ZNF701: variants seen among roughly 807,000 people sequenced by gnomAD.
ZNF701 encodes zinc finger protein 701.
A neutral mutation model predicts 7.1 loss-of-function variants in ZNF701; 6 were observed. The observed-to-expected ratio is 0.84, with a 90% CI of 0.46 to 1.66. The LOEUF (loss-of-function observed/expected upper bound fraction) is 1.66, where lower values mean the gene tolerates loss of function less well. ZNF701 is among the 40% of genes most tolerant of loss of function. The pLI is 0.01. For missense variants in ZNF701, 541 were observed against 559.2 expected, an observed-to-expected ratio of 0.97 and a Z score of 0.33; for synonymous variants, 166 against 188.2, an observed-to-expected ratio of 0.88 and a Z score of 0.97.
At chr19:52,591,561 T>C (rs2060036924), downstream of ZNF701, among the ~76,000 whole-genome samples, 1 of 152,150 alleles carries the variant, frequency 6.6e-6, no homozygotes, top group Admixed American at 6.5e-5. Context: ...CAATCTCAGC[T>C]CACTGCAACC....
At chr19:52,594,312 G>T in the ZNF701 span, 2 of 49,040 alleles carry the variant, frequency 4.1e-5, 1 homozygote, top group African/African-American at 1.7e-4. Context: ...ACCCTGGAAA[G>T]AGAGGGAGAG....
intron 3 of ZNF701, among the ~76,000 whole-genome samples, chr19:52,580,077 G>A (rs2059965413): frequency 7.1e-6 from 1 of 140,706 alleles, no homozygotes; most frequent in Admixed American, 6.8e-5. Flanking sequence ...GAGCAGCTGG[G>A]GCTACAGGCG....
the ZNF701 span, among the ~76,000 whole-genome samples, chr19:52,593,759 G>A: frequency 2.6e-5 from 3 of 113,476 alleles, no homozygotes; most frequent in Non-Finnish European, 3.8e-5. Context: ...CATCCCAGAC[G>A]GGGTGGCAGG....
chr19:52,599,404 G>C, the ZNF701 span, among the ~76,000 whole-genome samples: 1 of 152,126 alleles, frequency 6.6e-6, no homozygotes, highest in East Asian at 1.9e-4. Context: ...GAGGAATGTG[G>C]TCAGGCAACC....
Position 52,582,787 on chromosome 19 carries a change from A to G in ZNF701, c.728A>G (p.Tyr243Cys). ...HQIIHLGDKQYKCDVCGKDFH... is the reference protein window; with the variant it reads ...HQIIHLGDKQCKCDVCGKDFH... ...ATAATCCATTTAGGAGACAAACAGT[A>G]TAAATGTGATGTATGCGGCAAGGAC... is the stretch of plus-strand genomic sequence containing the variant. Residue 243 changes from tyrosine to cysteine, a missense_variant, in exon 4 of 4, where the codon TAT (tyrosine) becomes TGT (cysteine). By Grantham distance (194) the Tyr-to-Cys change is radical (BLOSUM62 -2). Transcript: ENST00000391785. 2 of 1,614,200 alleles carry G rather than the reference A, an allele frequency of 1.2e-6. No individual in the cohort carries two copies. Among genetic ancestry groups the G allele is most frequent in the Non-Finnish European group, 1.7e-6 (2 of 1,180,028 alleles).
chr19:52,574,161 A>C lies in ZNF701; in HGVS notation c.14A>C (p.Gln5Pro), dbSNP rs760978147. The change falls in exon 2 of 4, where the codon CAG becomes CCG. Residue 5 changes from glutamine to proline, a missense_variant and splice_region_variant. By Grantham distance (76) the Gln-to-Pro change is moderately conservative (BLOSUM62 -1). Coordinates refer to ENST00000391785, the MANE Select transcript of ZNF701 (RefSeq NM_018260.3). The stretch of plus-strand genomic sequence containing the variant: ...AAGGAGTCAGGGATGGCTCTTCTTC[A>C]GGTGAGATGATATTCTCGGGGGATT... MALL[Q>P]GLLTFRDVAI... 1.9e-6 allele frequency: 3 copies of C among 1,609,980 alleles called. No individual in the cohort carries two copies. Among genetic ancestry groups the C allele is most frequent in the Non-Finnish European group, 2.5e-6 (3 of 1,177,560 alleles).
chr19:52,587,949 G>T (rs1179024387), downstream of ZNF701, among the ~76,000 whole-genome samples: 1 of 152,138 alleles, frequency 6.6e-6, no homozygotes, highest in Non-Finnish European at 1.5e-5. Context: ...GCTCTGCATG[G>T]GGTTTGGTTA....
At chr19:52,578,896 T>C (rs1032053930) in intron 3 of ZNF701, among the ~76,000 whole-genome samples, 2 of 151,912 alleles carry the variant, frequency 1.3e-5, no homozygotes, top group African/African-American at 4.8e-5. Flanking sequence ...TACCTGGGAC[T>C]ACAGGCTCCC....
rs200825148 is a variant in ZNF701, at chr19:52,574,146, G to A, written c.-2G>A. 5.8e-5 allele frequency: 93 copies of A among 1,612,044 alleles called. 2 individuals are homozygous for A. The Middle Eastern group carries it at 6.6e-4, about 11-fold the overall frequency. On this transcript the variant is annotated 5_prime_UTR_variant, in exon 2 of 4. Transcript: ENST00000391785. ...AGGAAGAGGAAAGCAAAGGAGTCAGGGATGGCTCTTCTTCAGGTGAGATGA... is the reference window on the plus strand; with the variant it reads ...AGGAAGAGGAAAGCAAAGGAGTCAGAGATGGCTCTTCTTCAGGTGAGATGA...
the ZNF701 span, among the ~76,000 whole-genome samples, chr19:52,594,886 T>C: frequency 6.6e-6 from 1 of 152,318 alleles, no homozygotes; most frequent in African/African-American, 2.4e-5. Flanking sequence ...CATAAACTAA[T>C]GATCATCTTC....
intron 3 of ZNF701, among the ~76,000 whole-genome samples, chr19:52,577,976 C>T (rs1006803787): frequency 5.3e-5 from 8 of 151,944 alleles, no homozygotes; most frequent in African/African-American, 1.2e-4. Flanking sequence ...ATAGAAGAGC[C>T]GGGCGCAGTG....
At chr19:52,572,494 A>G (rs535939019) in intron 1 of ZNF701, 13 of 937,764 alleles carry the variant, frequency 1.4e-5, no homozygotes, top group East Asian at 6.4e-5. Context: ...TATCCCAGGT[A>G]TGTGAAAGAG....
At chr19:52,571,755 T>C (rs146751092) in intron 1 of ZNF701, among the ~76,000 whole-genome samples, 30 of 152,270 alleles carry the variant, frequency 2.0e-4, no homozygotes, top group African/African-American at 6.0e-4. Context: ...CTTGTTTGTT[T>C]TGAGATGCAC....
intron 1 of ZNF701, among the ~76,000 whole-genome samples, chr19:52,573,366 A>G (rs1257331708): frequency 2.6e-5 from 4 of 152,060 alleles, no homozygotes; most frequent in Non-Finnish European, 5.9e-5. Flanking sequence ...CAGCCTCCCG[A>G]GTAGCTGGGC....
chr19:52,589,689 A>G (rs2126501), downstream of ZNF701, among the ~76,000 whole-genome samples: 48,970 of 152,058 alleles, frequency 0.32, 7,956 homozygotes, highest in African/African-American at 0.38. Context: ...CATGATGGCC[A>G]TAATTTCTTT....
At chr19:52,587,422 T>A (rs1248258430), downstream of ZNF701, among the ~76,000 whole-genome samples, 1 of 152,178 alleles carries the variant, frequency 6.6e-6, no homozygotes, top group Non-Finnish European at 1.5e-5. Flanking sequence ...CAGGGACTTC[T>A]CCTGGGCTGT....
At chr19:52,572,829 C>G (rs201280134) in intron 1 of ZNF701, among the ~76,000 whole-genome samples, 1 of 152,202 alleles carries the variant, frequency 6.6e-6, no homozygotes, top group Non-Finnish European at 1.5e-5. Context: ...ATGACTCCCT[C>G]TGCCCCAGTC....
the ZNF701 span, among the ~76,000 whole-genome samples, chr19:52,593,298 A>C: frequency 1.7e-5 from 2 of 117,294 alleles, 1 homozygote; most frequent in Non-Finnish European, 3.7e-5. Flanking sequence ...TGTTGGGTAC[A>C]CCTCCCAGAC....
In ZNF701 at chr19:52,584,123, A is replaced by G. The variant is rs2059994212; in HGVS notation, c.*666A>G. The G allele has an allele frequency of 1.7e-5, 6 of 361,474 alleles. No individual in the cohort carries two copies. The highest frequency in any genetic ancestry group is 1.1e-4 in the South Asian group (5 of 43,546). 22.4% of individuals were successfully genotyped at this position (361,474 alleles called of 1,614,324 possible). A position where few individuals can be genotyped will look rare whatever the true frequency, so the allele number is the denominator to read the frequency against. ...AGGATCCATACTGGACAGAAATCTTACAAACGTCCTATGTGTGGCAAGGTC... is the reference window on the plus strand; with the variant it reads ...AGGATCCATACTGGACAGAAATCTTGCAAACGTCCTATGTGTGGCAAGGTC... On this transcript the variant is annotated 3_prime_UTR_variant, in exon 4 of 4. Coordinates refer to ENST00000391785, the MANE Select transcript of ZNF701 (RefSeq NM_018260.3).
Sources: gnomAD v4.1 joint callset for allele counts (sites outside exome capture counted in the v4.1 genomes callset) on GRCh38, gnomAD v4.1.1 for gene constraint, MANE v1.5 for transcripts, NCBI Gene and HGNC (gene_info 2026-07-23, HGNC 2026-07-21) for gene names.